Variants in THSD7B observed in about 807,000 individuals in gnomAD.
THSD7B encodes thrombospondin type 1 domain containing 7B.
A neutral mutation model predicts 213.6 loss-of-function variants in THSD7B; 138 were observed. That is an observed-to-expected ratio of 0.65 (90% CI 0.56 to 0.74). The LOEUF is 0.74. Among genes scored for constraint, THSD7B ranks in the 30% least tolerant of loss-of-function variants. The pLI, the probability that THSD7B is intolerant of heterozygous loss-of-function variation, is 0.00. For missense variants in THSD7B, 1,931 were observed against 1,991.5 expected, an observed-to-expected ratio of 0.97 and a Z score of 0.58; for synonymous variants, 742 against 687.0, an observed-to-expected ratio of 1.08 and a Z score of -1.25.
intron 6 of THSD7B, 65 bp from the exon 7 acceptor site, chr2:137,170,676 C>A: frequency 6.5e-7 from 1 of 1,527,118 alleles, no homozygotes; most frequent in Non-Finnish European, 8.9e-7. Context: ...TCTCACCCAG[C>A]TGCTTCTTTT....
At chr2:137,082,555 C>T (rs899068022) in intron 3 of THSD7B, among the ~76,000 whole-genome samples, 4 of 152,040 alleles carry the variant, frequency 2.6e-5, no homozygotes, top group African/African-American at 7.2e-5. Flanking sequence ...AACATAATTT[C>T]GGTCTAAAAG....
intron 1 of THSD7B, among the ~76,000 whole-genome samples, chr2:136,881,588 C>T (rs1216881721): frequency 1.3e-5 from 2 of 152,134 alleles, no homozygotes; most frequent in African/African-American, 4.8e-5. Flanking sequence ...AAGAAACTTA[C>T]TTGATTTTTT....
At chr2:137,109,610 C>T (rs557947822) in intron 4 of THSD7B, among the ~76,000 whole-genome samples, 7 of 152,196 alleles carry the variant, frequency 4.6e-5, no homozygotes, top group Admixed American at 1.3e-4. Context: ...ATAAGGAGCG[C>T]GCAACCTAGA....
intron 15 of THSD7B, among the ~76,000 whole-genome samples, chr2:137,514,533 T>TTA (rs1558823455): frequency 6.6e-6 from 1 of 152,144 alleles, no homozygotes; most frequent in Non-Finnish European, 1.5e-5. Context: ...AAACTCCCCT[T>TTA]TATATATATC....
intron 2 of THSD7B, among the ~76,000 whole-genome samples, chr2:136,991,471 C>CT (rs202128940): frequency 0.013 from 2,044 of 151,746 alleles, 63 homozygotes; most frequent in African/African-American, 0.046. Context: ...TTTTGATTAC[C>CT]TTTTTTTTGT....
At chr2:137,069,743 T>C (rs1466342957) in intron 3 of THSD7B, among the ~76,000 whole-genome samples, 1 of 151,886 alleles carries the variant, frequency 6.6e-6, no homozygotes, top group Non-Finnish European at 1.5e-5. Context: ...TAAACATAAA[T>C]AAAAATAAGT....
chr2:136,797,421 A>G (rs1463085219), intron 1 of THSD7B, among the ~76,000 whole-genome samples: 3 of 152,028 alleles, frequency 2.0e-5, no homozygotes, highest in East Asian at 1.9e-4. Flanking sequence ...AGGCAACTCC[A>G]TCTGAGTGAA....
At chr2:137,399,182 C>T (rs973067000) in intron 12 of THSD7B, among the ~76,000 whole-genome samples, 4 of 144,004 alleles carry the variant, frequency 2.8e-5, no homozygotes, top group Non-Finnish European at 4.5e-5. Flanking sequence ...GCCATCTTGG[C>T]TCCTCCCCAC....
chr2:137,497,219 A>G (rs1679589819), intron 15 of THSD7B, among the ~76,000 whole-genome samples: 1 of 151,684 alleles, frequency 6.6e-6, no homozygotes, highest in South Asian at 2.1e-4. Flanking sequence ...ACAGACACAC[A>G]CACACACACA....
chr2:136,833,175 A>C (rs527697182), intron 1 of THSD7B, among the ~76,000 whole-genome samples: 36 of 151,940 alleles, frequency 2.4e-4, no homozygotes, highest in African/African-American at 8.0e-4. Flanking sequence ...ACCATCCTGG[A>C]TAACATGGTG....
At chr2:136,861,395 G>T (rs981814331) in intron 1 of THSD7B, among the ~76,000 whole-genome samples, 1 of 152,208 alleles carries the variant, frequency 6.6e-6, no homozygotes, top group Non-Finnish European at 1.5e-5. Flanking sequence ...GAGATTCCGT[G>T]TTGGGTGCTT....
intron 12 of THSD7B, among the ~76,000 whole-genome samples, chr2:137,294,560 G>T (rs569937982): frequency 7.4e-6 from 1 of 135,408 alleles, no homozygotes; most frequent in African/African-American, 3.0e-5. Flanking sequence ...TCCAGCCTGG[G>T]TGAAAAGAGT....
chr2:137,154,811 C>T (rs1256739265), intron 5 of THSD7B, among the ~76,000 whole-genome samples: 1 of 152,130 alleles, frequency 6.6e-6, no homozygotes, highest in Non-Finnish European at 1.5e-5. Context: ...TTCACCATGT[C>T]ATTAAGGAAA....
intron 14 of THSD7B, among the ~76,000 whole-genome samples, chr2:137,447,229 G>T (rs191346645): frequency 1.8e-4 from 28 of 152,110 alleles, no homozygotes; most frequent in African/African-American, 5.5e-4. Flanking sequence ...ATTGCTACAG[G>T]CTTGCTAATT....
intron 7 of THSD7B, among the ~76,000 whole-genome samples, chr2:137,198,295 T>G (rs191573543): frequency 1.2e-4 from 18 of 152,284 alleles, no homozygotes; most frequent in Admixed American, 1.1e-3. Flanking sequence ...AAGGAGAACA[T>G]GAGAGTGGTA....
intron 2 of THSD7B, among the ~76,000 whole-genome samples, chr2:136,908,635 A>G (rs1441376194): frequency 6.6e-6 from 1 of 152,190 alleles, no homozygotes; most frequent in African/African-American, 2.4e-5. Flanking sequence ...TTTACCAATA[A>G]TACACAATTA....
At chr2:137,304,128 A>T (rs1683682614) in intron 12 of THSD7B, among the ~76,000 whole-genome samples, 1 of 152,032 alleles carries the variant, frequency 6.6e-6, no homozygotes, top group Admixed American at 6.6e-5. Context: ...CCTGCAAAGG[A>T]CATGAGCTCA....
chr2:136,808,395 A>G (rs1248075395), intron 1 of THSD7B, among the ~76,000 whole-genome samples: 1 of 152,148 alleles, frequency 6.6e-6, no homozygotes, highest in Non-Finnish European at 1.5e-5. Flanking sequence ...TGTTGCACTT[A>G]TTAATAGCTT....
chr2:137,399,180 G>C (rs1400417675), intron 12 of THSD7B, among the ~76,000 whole-genome samples: 1 of 147,100 alleles, frequency 6.8e-6, no homozygotes, highest in Non-Finnish European at 1.5e-5. Context: ...CGGCCATCTT[G>C]GCTCCTCCCC....
Sources: gnomAD v4.1 joint callset for allele counts (sites outside exome capture counted in the v4.1 genomes callset) on GRCh38, gnomAD v4.1.1 for gene constraint, MANE v1.5 for transcripts, NCBI Gene and HGNC (gene_info 2026-07-23, HGNC 2026-07-21) for gene names.